Variants in RABGAP1L observed in about 807,000 individuals in gnomAD.
RABGAP1L encodes RAB GTPase activating protein 1 like.
A neutral mutation model predicts 137.7 loss-of-function variants in RABGAP1L; 63 were observed. The observed-to-expected ratio is 0.46, with a 90% CI of 0.37 to 0.56. The LOEUF (loss-of-function observed/expected upper bound fraction) is 0.56. Among genes scored for constraint, RABGAP1L ranks in the 20% least tolerant of loss-of-function variants. The pLI, the probability that RABGAP1L is intolerant of heterozygous loss-of-function variation, is 0.00. For missense variants in RABGAP1L, 1,095 were observed against 1,244.0 expected (o/e 0.88, Z 1.80); for synonymous variants, 431 against 433.7 (o/e 0.99, Z 0.08).
intron 19 of RABGAP1L, among the ~76,000 whole-genome samples, chr1:174,895,921 A>C (rs1183881200): frequency 1.3e-5 from 2 of 152,174 alleles, no homozygotes; most frequent in Non-Finnish European, 2.9e-5. Context: ...ATGTGTCTTG[A>C]TAGCAGCATA....
intron 13 of RABGAP1L, among the ~76,000 whole-genome samples, chr1:174,482,135 A>G (rs1446367667): frequency 6.6e-6 from 1 of 152,170 alleles, no homozygotes; most frequent in Non-Finnish European, 1.5e-5. Context: ...GAAAAGAACC[A>G]TGAGCAAGGA....
chr1:174,298,195 G>T (rs1677307800), intron 10 of RABGAP1L, among the ~76,000 whole-genome samples: 2 of 152,168 alleles, frequency 1.3e-5, no homozygotes, highest in Admixed American at 6.5e-5. Flanking sequence ...GATACCCAGG[G>T]TACCTGAGGG....
intron 11 of RABGAP1L, among the ~76,000 whole-genome samples, chr1:174,350,267 G>A (rs1183346461): frequency 7.5e-4 from 95 of 126,412 alleles, no homozygotes; most frequent in African/African-American, 2.5e-3. Flanking sequence ...GGTGGCTGCC[G>A]GGCGGAGAGG....
At chr1:174,950,581 A>G (rs973434685) in intron 19 of RABGAP1L, among the ~76,000 whole-genome samples, 5 of 152,208 alleles carry the variant, frequency 3.3e-5, no homozygotes, top group Non-Finnish European at 7.3e-5. Context: ...CTTTATGTCC[A>G]GATCTTGATA....
intron 10 of RABGAP1L, among the ~76,000 whole-genome samples, chr1:174,283,243 A>G: frequency 6.6e-6 from 1 of 151,940 alleles, no homozygotes; most frequent in Non-Finnish European, 1.5e-5. Flanking sequence ...TTTGTAAAAA[A>G]AAGTAAAATA....
At chr1:174,163,185 A>G (rs1341515633) in intron 1 of RABGAP1L, among the ~76,000 whole-genome samples, 2 of 152,142 alleles carry the variant, frequency 1.3e-5, no homozygotes, top group Non-Finnish European at 2.9e-5. Context: ...TTATAGAGAA[A>G]GACATTGTTT....
chr1:174,336,853 A>ATG (rs148867931), intron 11 of RABGAP1L, among the ~76,000 whole-genome samples: 15,977 of 146,386 alleles, frequency 0.11, 962 homozygotes, highest in Middle Eastern at 0.16. Context: ...GTGTTTATAA[A>ATG]TGTGTGTGTG....
chr1:174,195,721 CTTTTCTTTCT>C (rs1558021708), intron 1 of RABGAP1L, among the ~76,000 whole-genome samples: 105 of 119,806 alleles, frequency 8.8e-4, no homozygotes, highest in African/African-American at 3.3e-3. Context: ...TCTTTTCTTT[CTTTTCTTTCT>C]TTTCTTTCTT....
chr1:174,925,421 C>T (rs1012221883), intron 19 of RABGAP1L, among the ~76,000 whole-genome samples: 4 of 149,438 alleles, frequency 2.7e-5, no homozygotes, highest in African/African-American at 7.4e-5. Flanking sequence ...GTGAAAAAAC[C>T]TTGGCAGGAG....
At chr1:174,278,437 A>G (rs1004075210) in intron 9 of RABGAP1L, among the ~76,000 whole-genome samples, 176 bp from the exon 10 acceptor site, 1 of 152,200 alleles carries the variant, frequency 6.6e-6, no homozygotes, top group African/African-American at 2.4e-5. Context: ...CCTAAGAAAC[A>G]TGCTTGGAGT....
intron 13 of RABGAP1L, among the ~76,000 whole-genome samples, chr1:174,533,170 G>T (rs1411899216): frequency 6.6e-6 from 1 of 152,182 alleles, no homozygotes; most frequent in African/African-American, 2.4e-5. Context: ...GGAGGCAGAG[G>T]TTGCAGTGAG....
chr1:174,315,750 T>C (rs891169853), intron 11 of RABGAP1L, among the ~76,000 whole-genome samples: 4 of 152,078 alleles, frequency 2.6e-5, no homozygotes, highest in African/African-American at 9.7e-5. Context: ...TAAATGTGCT[T>C]GGTGTTCTAT....
chr1:174,446,293 A>G (rs1654757384), intron 13 of RABGAP1L, among the ~76,000 whole-genome samples: 1 of 152,218 alleles, frequency 6.6e-6, no homozygotes, highest in South Asian at 2.1e-4. Context: ...GTGATAAGTG[A>G]AACTAGGAAT....
At chr1:174,929,436 A>G (rs1208940658) in intron 19 of RABGAP1L, among the ~76,000 whole-genome samples, 1 of 152,220 alleles carries the variant, frequency 6.6e-6, no homozygotes, top group East Asian at 1.9e-4. Flanking sequence ...ATCTGCTTTA[A>G]TTAGTTAGAA....
At chr1:174,458,967 C>CAT (rs143203539) in intron 13 of RABGAP1L, among the ~76,000 whole-genome samples, 1,808 of 152,168 alleles carry the variant, frequency 0.012, 25 homozygotes, top group Non-Finnish European at 0.016. Context: ...AACTCTAAAA[C>CAT]ATATATGACT....
chr1:174,850,561 A>G (rs1648131065), intron 19 of RABGAP1L, among the ~76,000 whole-genome samples: 1 of 152,212 alleles, frequency 6.6e-6, no homozygotes, highest in Non-Finnish European at 1.5e-5. Context: ...CAAGTTGACA[A>G]CACTGTTTGG....
At chr1:174,722,934 G>T (rs1681690097) in intron 17 of RABGAP1L, among the ~76,000 whole-genome samples, 2 of 152,180 alleles carry the variant, frequency 1.3e-5, no homozygotes, top group Admixed American at 6.5e-5. Context: ...AATATGTTGT[G>T]CTCTATATTA....
intron 7 of RABGAP1L, among the ~76,000 whole-genome samples, chr1:174,269,900 G>A (rs550777107): frequency 6.6e-6 from 1 of 152,270 alleles, no homozygotes; most frequent in East Asian, 1.9e-4. Context: ...ACTGTTGAAT[G>A]CTTTGAACTC....
At chr1:174,781,706 T>C (rs148042520) in intron 18 of RABGAP1L, among the ~76,000 whole-genome samples, 6 of 152,300 alleles carry the variant, frequency 3.9e-5, no homozygotes, top group East Asian at 1.9e-4. Flanking sequence ...TTAGGTCTAA[T>C]ATTTAAGTCT....
Sources: gnomAD v4.1 joint callset for allele counts (sites outside exome capture counted in the v4.1 genomes callset) on GRCh38, gnomAD v4.1.1 for gene constraint, MANE v1.5 for transcripts, NCBI Gene and HGNC (gene_info 2026-07-23, HGNC 2026-07-21) for gene names.